The following RAD23B variants were observed in gnomAD, a reference collection of about 807,000 sequenced individuals.
RAD23B encodes the protein lysine-specific demethylase RAD23B.
RAD23B carries 5 observed loss-of-function variants against 49.1 expected under a neutral mutation model. The ratio of observed to expected loss-of-function variants is 0.10; its 90% confidence interval spans 0.05 to 0.21. The LOEUF (loss-of-function observed/expected upper bound fraction) is 0.21. Among genes scored for constraint, RAD23B ranks in the 10% least tolerant of loss-of-function variants. The probability of loss-of-function intolerance (pLI) is 1.00; values close to 1 mark genes in which losing one functional copy is unlikely to be tolerated. For missense variants in RAD23B, 356 were observed against 486.7 expected, an observed-to-expected ratio of 0.73 and a Z score of 2.53; for synonymous variants, 184 against 165.4, an observed-to-expected ratio of 1.11 and a Z score of -0.86.
intron 9 of RAD23B, among the ~76,000 whole-genome samples, chr9:107,327,899 A>G (rs1292562447): frequency 6.6e-6 from 1 of 152,312 alleles, no homozygotes; most frequent in East Asian, 1.9e-4. Context: ...TCTGTTATAT[A>G]TAATTGTTGT....
At chr9:107,305,025 A>ATGCC (rs1826732106) in intron 3 of RAD23B, among the ~76,000 whole-genome samples, 1 of 152,178 alleles carries the variant, frequency 6.6e-6, no homozygotes, top group Non-Finnish European at 1.5e-5. Flanking sequence ...GTGGTGGCTG[A>ATGCC]TGCCTGTAAT....
intron 1 of RAD23B, among the ~76,000 whole-genome samples, chr9:107,286,675 TTTTG>T (rs1468064611): frequency 1.3e-5 from 2 of 152,178 alleles, no homozygotes; most frequent in African/African-American, 4.8e-5. Context: ...TATGTGCTTT[TTTTG>T]TTTTTTACTG....
intron 5 of RAD23B, among the ~76,000 whole-genome samples, chr9:107,317,659 A>G (rs969003232): frequency 1.3e-5 from 2 of 151,738 alleles, no homozygotes; most frequent in Non-Finnish European, 2.9e-5. Context: ...GAGGGAGGAT[A>G]ACCAAATCCA....
intron 6 of RAD23B, among the ~76,000 whole-genome samples, chr9:107,320,728 AAG>A (rs993359095): frequency 2.2e-4 from 33 of 152,330 alleles, no homozygotes; most frequent in African/African-American, 7.2e-4. Flanking sequence ...AGTTTAATAA[AAG>A]AGAATTTGAT....
chr9:107,327,440 C>T (rs985589662), intron 9 of RAD23B, among the ~76,000 whole-genome samples: 9 of 152,174 alleles, frequency 5.9e-5, no homozygotes, highest in African/African-American at 1.9e-4. Flanking sequence ...GCTATAGTAG[C>T]ATCCCATAAG....
intron 3 of RAD23B, among the ~76,000 whole-genome samples, chr9:107,302,587 T>TA (rs1006390270): frequency 2.7e-5 from 4 of 150,522 alleles, no homozygotes; most frequent in African/African-American, 9.7e-5. Flanking sequence ...TTTTAGAAAC[T>TA]AAAAAAAGGG....
At chr9:107,311,321 T>C (rs1826883579) in intron 4 of RAD23B, among the ~76,000 whole-genome samples, 1 of 152,216 alleles carries the variant, frequency 6.6e-6, no homozygotes, top group African/African-American at 2.4e-5. Flanking sequence ...TTTCTTCTGG[T>C]GTGACTTGAT....
chr9:107,300,278 G>T, intron 2 of RAD23B, 56 bp downstream of exon 2: 1 of 1,548,880 alleles, frequency 6.5e-7, no homozygotes, highest in Non-Finnish European at 8.7e-7. Context: ...TTTAGTTTTA[G>T]AAATGTTATC....
chr9:107,298,474 A>ATTTTTTTT (rs35923233), intron 1 of RAD23B, among the ~76,000 whole-genome samples: 3 of 53,112 alleles, frequency 5.6e-5, no homozygotes, highest in Non-Finnish European at 9.1e-5. Flanking sequence ...TGCTTGGCTA[A>ATTTTTTTT]TTTTTTTTTT....
chr9:107,310,960 G>A (rs1176200113), intron 4 of RAD23B, among the ~76,000 whole-genome samples: 1 of 152,174 alleles, frequency 6.6e-6, no homozygotes, highest in Non-Finnish European at 1.5e-5. Context: ...ACAGGTCTAA[G>A]TGTGTATGTG....
chr9:107,310,663 A>G (rs976702768), intron 4 of RAD23B, among the ~76,000 whole-genome samples: 5 of 152,202 alleles, frequency 3.3e-5, no homozygotes, highest in Admixed American at 3.3e-4. Context: ...TTAGTTTTAC[A>G]GTATATTTAA....
At chr9:107,327,250 T>TGTTTC (rs1827224773) in intron 9 of RAD23B, among the ~76,000 whole-genome samples, 1 of 108,892 alleles carries the variant, frequency 9.2e-6, no homozygotes. Flanking sequence ...TCTAGTCTTT[T>TGTTTC]GTTTTGTTTT....
rs1827036062 is a variant in RAD23B, at chr9:107,318,343, A to G, written c.554-409A>G. 6.6e-6 allele frequency among the ~76,000 whole-genome samples: 1 copy of G among 152,190 alleles called. No individual in the cohort carries two copies. Among genetic ancestry groups the G allele is most frequent in the African/African-American group, 2.4e-5 (1 of 41,438 alleles). ...TTTCTGCATCTTCAAAGGCAACAGC[A>G]TAACATCTCTCATCCTGGTTTTGTC... is the stretch of plus-strand genomic sequence containing the variant. On this transcript the variant is annotated intron_variant, in intron 5 of 9. Coordinates refer to ENST00000358015, the MANE Select transcript of RAD23B (RefSeq NM_002874.5). The surrounding 1 kb of genome is among the most constrained non-coding windows in gnomAD (Gnocchi z 4.3).
At chr9:107,304,361 C>A (rs896529301) in intron 3 of RAD23B, among the ~76,000 whole-genome samples, 1 of 151,676 alleles carries the variant, frequency 6.6e-6, no homozygotes, top group Non-Finnish European at 1.5e-5. Flanking sequence ...GCTTAAGACT[C>A]TAAATTTTCA....
rs11573684 is a variant in RAD23B, at chr9:107,318,415, C to T, written c.554-337C>T. On this transcript the variant is annotated intron_variant, in intron 5 of 9. Transcript: ENST00000358015. This position sits in a 1 kb window ranked among gnomAD's most constrained non-coding sequence, Gnocchi z 4.3. ...CTCTGACCCTCTCATCTGCCTCCTC[C>T]TACTACTATTAAGGATTCATGTCAT... is the stretch of plus-strand genomic sequence containing the variant. Among the ~76,000 whole-genome samples, 4 of 152,342 alleles carry T rather than the reference C, an allele frequency of 2.6e-5. No homozygotes were observed. The highest frequency in any genetic ancestry group is 9.6e-5 in the African/African-American group (4 of 41,576).
chr9:107,317,418 T>G (rs1046453878), intron 5 of RAD23B, among the ~76,000 whole-genome samples: 5 of 151,912 alleles, frequency 3.3e-5, no homozygotes, highest in African/African-American at 1.2e-4. Flanking sequence ...TGGGACACAT[T>G]TGAGAGGGAA....
At chr9:107,312,978 A>G (rs1826919381) in intron 5 of RAD23B, among the ~76,000 whole-genome samples, 2 of 152,036 alleles carry the variant, frequency 1.3e-5, no homozygotes, top group South Asian at 2.1e-4. Context: ...TCTCAGCTTT[A>G]TGGTCTCGGG....
chr9:107,321,976 A>G lies in RAD23B; in HGVS notation c.682-7A>G. On this transcript the variant is annotated splice_region_variant and splice_polypyrimidine_tract_variant and intron_variant, in intron 6 of 9. Transcript: ENST00000358015. ...GGATATCTTAAAGCTTGGAAATTCT[A>G]TTACAGGGAATCCCTGGAGATAGAG... 1.9e-6 allele frequency: 3 copies of G among 1,599,744 alleles called. No homozygotes were observed. Among genetic ancestry groups the G allele is most frequent in the Non-Finnish European group, 2.6e-6 (3 of 1,174,938 alleles).
chr9:107,312,874 A>G (rs575327528), intron 5 of RAD23B, among the ~76,000 whole-genome samples: 2 of 152,124 alleles, frequency 1.3e-5, no homozygotes, highest in Admixed American at 6.5e-5. Context: ...CTGCTGCTGC[A>G]GCTGGAATGC....
Sources: gnomAD v4.1 joint callset for allele counts (sites outside exome capture counted in the v4.1 genomes callset) on GRCh38, gnomAD v4.1.1 for gene constraint, Gnocchi (gnomAD v3.1) non-coding constraint, MANE v1.5 for transcripts, NCBI Gene and HGNC (gene_info 2026-07-23, HGNC 2026-07-21) for gene names.